The following ADAM11 variants were observed in gnomAD, a reference collection of about 807,000 sequenced individuals.
ADAM11 encodes the protein disintegrin and metalloproteinase domain-containing protein 11.
ADAM11 carries 49 observed loss-of-function variants against 119.1 expected under a neutral mutation model. The observed-to-expected ratio is 0.41, with a 90% confidence interval of 0.33 to 0.52. The LOEUF is 0.52. Among genes scored for constraint, ADAM11 ranks in the 20% least tolerant of loss-of-function variants. The probability of loss-of-function intolerance (pLI) is 0.20; values close to 1 mark genes in which losing one functional copy is unlikely to be tolerated. For missense variants in ADAM11, 777 were observed against 1,047.5 expected, an observed-to-expected ratio of 0.74 and a Z score of 3.56; for synonymous variants, 364 against 408.0, an observed-to-expected ratio of 0.89 and a Z score of 1.30.
rs1261347045 is a variant in ADAM11, at chr17:44,774,560, G to A, written c.1146G>A (p.Trp382Ter). 1 of 1,613,486 alleles carries A rather than the reference G, an allele frequency of 6.2e-7. No individual in the cohort carries two copies. The highest frequency in any genetic ancestry group is 8.5e-7 in the Non-Finnish European group (1 of 1,179,840). ...TGGGACAGAACCTGGGCATGATGTGGAACAAACACCGGAGCTCGGCAGGTA... is the reference window on the plus strand; with the variant it reads ...TGGGACAGAACCTGGGCATGATGTGAAACAAACACCGGAGCTCGGCAGGTA... ...QTLGQNLGMM[W>*]NKHRSSAGDC... The change falls in exon 13 of 27, where the codon TGG (tryptophan) becomes TGA (stop). Residue 382 changes from tryptophan to a stop codon, truncating the protein, a stop_gained. Transcript: ENST00000200557. LOFTEE classifies it high-confidence loss of function.
intron 2 of ADAM11, among the ~76,000 whole-genome samples, chr17:44,767,506 A>C (rs2049465452): frequency 6.6e-6 from 1 of 152,024 alleles, no homozygotes; most frequent in African/African-American, 2.4e-5. Context: ...TGTGTGACCC[A>C]TCTCTTCCCT....
intron 25 of ADAM11, 22 bp downstream of exon 25, chr17:44,778,264 T>A: frequency 6.2e-7 from 1 of 1,602,268 alleles, no homozygotes; most frequent in South Asian, 1.1e-5. Context: ...ACACACCCTG[T>A]GCCCCCTGGC....
At position 44,772,827 on chromosome 17, in the gene ADAM11, A is replaced by T; in HGVS notation, c.679-30A>T. ...ATGAGATCAGTCAGACATGGAAGGG[A>T]CTGATTCCAAGTGCCCACCCACCCC... On this transcript the variant is annotated intron_variant, in intron 8 of 26. Transcript: ENST00000200557. The surrounding 1 kb of genome is among the most constrained non-coding windows in gnomAD (Gnocchi z 4.5). 6.2e-7 allele frequency: 1 copy of T among 1,604,340 alleles called. No homozygotes were observed. The highest frequency in any genetic ancestry group is 8.5e-7 in the Non-Finnish European group (1 of 1,172,308).
At chr17:44,762,994 A>G (rs1470775858) in intron 2 of ADAM11, among the ~76,000 whole-genome samples, 1 of 151,266 alleles carries the variant, frequency 6.6e-6, no homozygotes, top group Non-Finnish European at 1.5e-5. Flanking sequence ...AAATTACCCA[A>G]GCATGGTGCT....
intron 4 of ADAM11, 151 bp downstream of exon 4, chr17:44,770,199 G>T (rs1258026495): frequency 2.0e-6 from 2 of 985,016 alleles, no homozygotes; most frequent in Non-Finnish European, 3.0e-6. Context: ...GACCCAGGAG[G>T]CTCTGAGGGT....
chr17:44,763,596 G>C (rs895064487), intron 2 of ADAM11, among the ~76,000 whole-genome samples: 8 of 152,356 alleles, frequency 5.3e-5, no homozygotes, highest in Admixed American at 2.0e-4. Context: ...CAAGACTACC[G>C]TGTCCAGTTG....
chr17:44,775,484 G>T lies in ADAM11; in HGVS notation c.1392+19G>T, dbSNP rs201298711. On this transcript the variant is annotated intron_variant, in intron 16 of 26. Coordinates refer to ENST00000200557, the MANE Select transcript of ADAM11 (RefSeq NM_002390.6). This position sits in a 1 kb window ranked among gnomAD's most constrained non-coding sequence, Gnocchi z 7.5. ...GGTGCAGGTGAGCGGTGGTGCGGGCGCCAGGTGGGGAACCGGGATGCGGGG... is the reference window on the plus strand; with the variant it reads ...GGTGCAGGTGAGCGGTGGTGCGGGCTCCAGGTGGGGAACCGGGATGCGGGG... 1.9e-6 allele frequency: 3 copies of T among 1,600,350 alleles called. No homozygotes were observed. Among genetic ancestry groups the T allele is most frequent in the Middle Eastern group, 1.7e-4 (1 of 6,026 alleles).
At chr17:44,779,100 C>G in intron 25 of ADAM11, 122 bp from the exon 26 acceptor site, 3 of 1,332,638 alleles carry the variant, frequency 2.3e-6, no homozygotes, top group Non-Finnish European at 3.1e-6. Context: ...TGTCCAGGCC[C>G]CGGGGACCCC....
At position 44,772,308 on chromosome 17, in the gene ADAM11, A is replaced by G. The variant is rs916989983; in HGVS notation, c.585A>G (p.Pro195=). ...TCATTTACCGGACCCCTCTCCTCCC[A>G]GATCCCCTCGGATGCAGGGAACCAG... ...PHLIYRTPLL[P]DPLGCREPGC... Residue 195 remains proline (P), a synonymous_variant, in exon 7 of 27, where the codon CCA becomes CCG. Coordinates refer to ENST00000200557, the MANE Select transcript of ADAM11 (RefSeq NM_002390.6). This position sits in a 1 kb window ranked among gnomAD's most constrained non-coding sequence, Gnocchi z 4.5. The G allele has an allele frequency of 2.0e-6, 3 of 1,538,428 alleles. No individual in the cohort carries two copies. Among genetic ancestry groups the G allele is most frequent in the Non-Finnish European group, 2.6e-6 (3 of 1,133,442 alleles).
At chr17:44,766,038 C>T (rs1466464772) in intron 2 of ADAM11, among the ~76,000 whole-genome samples, 3 of 150,592 alleles carry the variant, frequency 2.0e-5, no homozygotes, top group African/African-American at 7.3e-5. Flanking sequence ...AAAAAGCAGG[C>T]ATCGCCCTTG....
Position 44,775,533 on chromosome 17 carries a change from T to A in ADAM11, c.1393-51T>A. The stretch of plus-strand genomic sequence containing the variant: ...GGGTGGGCACGAGGGAGCGTCTGAG[T>A]GGGAGGATTAGGGCTCGCCCGCCTC... On this transcript the variant is annotated intron_variant, in intron 16 of 26. Coordinates refer to ENST00000200557, the MANE Select transcript of ADAM11 (RefSeq NM_002390.6). The surrounding 1 kb of genome is among the most constrained non-coding windows in gnomAD (Gnocchi z 7.5). 2 of 1,566,910 alleles carry A rather than the reference T, an allele frequency of 1.3e-6. No individual in the cohort carries two copies. The highest frequency in any genetic ancestry group is 1.7e-6 in the Non-Finnish European group (2 of 1,159,984).
chr17:44,777,355 C>G lies in ADAM11; in HGVS notation c.1781+90C>G, dbSNP rs1173941190. On this transcript the variant is annotated intron_variant, in intron 21 of 26. Coordinates refer to ENST00000200557, the MANE Select transcript of ADAM11 (RefSeq NM_002390.6). This position sits in a 1 kb window ranked among gnomAD's most constrained non-coding sequence, Gnocchi z 5.1. ...GGGCAGCAGGTTCTCCCAGGAGGAG[C>G]CTGTCAGTCCCAATGGGCGGGCACG... 4.6e-6 allele frequency: 7 copies of G among 1,523,828 alleles called. No homozygotes were observed. Among genetic ancestry groups the G allele is most frequent in the Non-Finnish European group, 6.3e-6 (7 of 1,112,506 alleles). The allele number at this position is 1,523,828 out of a possible 1,614,324, so 94.4% of individuals were successfully genotyped here.
chr17:44,774,205 C>G (rs1391856427), intron 11 of ADAM11, 90 bp from the exon 12 acceptor site: 8 of 786,350 alleles, frequency 1.0e-5, no homozygotes, highest in Non-Finnish European at 1.4e-5. Flanking sequence ...AGGAAGGACT[C>G]TAGTGTGAGG....
rs181456844 is a variant in ADAM11 at position 44,769,655 on chromosome 17, C to G, written c.238-63C>G. The G allele has an allele frequency of 8.0e-4, 894 of 1,118,432 alleles. 8 individuals are homozygous for G. The African/African-American group carries it at 0.012, about 15-fold the overall frequency. The allele number at this position is 1,118,432 out of a possible 1,614,324, so 69.3% of individuals were successfully genotyped here. ...CCAGGGCTACTGTTGCTCCCGGGAT[C>G]CCCCCGACTCCCACCTTCAGGCCTC... On this transcript the variant is annotated intron_variant, in intron 2 of 26. Coordinates refer to ENST00000200557, the MANE Select transcript of ADAM11 (RefSeq NM_002390.6).
At position 44,777,216 on chromosome 17, in the gene ADAM11, C is replaced by G; in HGVS notation, c.1732C>G (p.Arg578Gly). 6.2e-7 allele frequency: 1 copy of G among 1,608,848 alleles called. No individual in the cohort carries two copies. ...YEKLNVEGTE[R>G]GSCGRKGSGW... The stretch of plus-strand genomic sequence containing the variant: ...GAAGCTGAATGTGGAGGGGACGGAG[C>G]GTGGGAGCTGTGGGCGCAAGGGATC... The change falls in exon 21 of 27, where the codon CGT becomes GGT. Residue 578 changes from arginine (R) to glycine (G), a missense_variant. Transcript: ENST00000200557. This position sits in a 1 kb window ranked among gnomAD's most constrained non-coding sequence, Gnocchi z 5.1.
chr17:44,770,076 C>G, intron 4 of ADAM11, 28 bp downstream of exon 4: 3 of 1,612,334 alleles, frequency 1.9e-6, no homozygotes, highest in Non-Finnish European at 2.5e-6. Flanking sequence ...GGACCGGGGC[C>G]GGGGATGGAA....
Position 44,780,003 on chromosome 17 carries a change from C to A in ADAM11, c.*249C>A. On this transcript the variant is annotated 3_prime_UTR_variant, in exon 27 of 27. Coordinates refer to ENST00000200557, the MANE Select transcript of ADAM11 (RefSeq NM_002390.6). ...CTCCTGCGGCTCAGCCTTGCACACC[C>A]ACTGCCCCGTGTGAATGTAGCTTCC... The A allele has an allele frequency of 1.4e-6, 1 of 704,794 alleles. No individual in the cohort carries two copies. The allele number at this position is 704,794 out of a possible 1,614,324, so 43.7% of individuals were successfully genotyped here.
intron 11 of ADAM11, 135 bp from the exon 12 acceptor site, chr17:44,774,160 C>A (rs2049566212): frequency 1.9e-6 from 1 of 527,370 alleles, no homozygotes; most frequent in Non-Finnish European, 3.3e-6. Context: ...CCTGGGGTCA[C>A]CAAGGCTGAT....
intron 2 of ADAM11, among the ~76,000 whole-genome samples, chr17:44,763,041 C>G (rs2049407797): frequency 1.3e-5 from 2 of 152,044 alleles, no homozygotes; most frequent in South Asian, 4.1e-4. Context: ...GAGGCTGAGG[C>G]TGCAGGATCG....
Sources: allele counts gnomAD v4.1 joint callset (sites outside exome capture counted in the v4.1 genomes callset), GRCh38; gene constraint gnomAD v4.1.1; non-coding constraint Gnocchi (gnomAD v3.1); transcripts MANE v1.5; gene names NCBI Gene and HGNC (gene_info 2026-07-23, HGNC 2026-07-21).